The following MAP4K4 variants were observed in gnomAD, a reference collection of about 807,000 sequenced individuals.
MAP4K4 encodes the protein HPK/GCK-like kinase HGK.
A neutral mutation model predicts 189.6 loss-of-function variants in MAP4K4; 38 were observed. The ratio of observed to expected loss-of-function variants is 0.20; its 90% CI spans 0.15 to 0.26. The LOEUF is 0.26. MAP4K4 is among the 10% of genes least tolerant of loss of function. MAP4K4 has a pLI of 1.00. For synonymous variants in MAP4K4, 610 were observed against 624.3 expected (o/e 0.98, Z 0.34); for missense variants, 1,054 against 1,726.9 (o/e 0.61, Z 6.91).
At chr2:101,820,114 G>A (rs948795138) in intron 3 of MAP4K4, among the ~76,000 whole-genome samples, 1 of 152,178 alleles carries the variant, frequency 6.6e-6, no homozygotes, top group Non-Finnish European at 1.5e-5. Context: ...GATCCTAGAA[G>A]ACATTGGTTT....
At chr2:101,770,133 A>G (rs1395514422) in intron 2 of MAP4K4, among the ~76,000 whole-genome samples, 1 of 152,218 alleles carries the variant, frequency 6.6e-6, no homozygotes, top group East Asian at 1.9e-4. Context: ...TTTTCAACAA[A>G]TAAGTTTTGT....
chr2:101,759,733 TC>T (rs1444648130), intron 2 of MAP4K4, among the ~76,000 whole-genome samples: 3 of 31,276 alleles, frequency 9.6e-5, no homozygotes, highest in Admixed American at 3.4e-4. Flanking sequence ...ACCATCCCCT[TC>T]CCCCCTCCCC....
At chr2:101,863,789 A>G (rs1297227227) in intron 16 of MAP4K4, 32 bp from the exon 17 acceptor site, 1 of 1,333,646 alleles carries the variant, frequency 7.5e-7, no homozygotes, top group Non-Finnish European at 1.0e-6. Flanking sequence ...TGCAGAACGC[A>G]TTGAATGTTT....
intron 2 of MAP4K4, among the ~76,000 whole-genome samples, chr2:101,760,770 G>T (rs551365291): frequency 6.6e-6 from 1 of 152,130 alleles, no homozygotes; most frequent in Admixed American, 6.5e-5. Context: ...TTGGGAGGCC[G>T]AGGTGGGCGG....
chr2:101,891,445 T>C, exon 33 of MAP4K4: 1 of 526,552 alleles, frequency 1.9e-6, no homozygotes, highest in South Asian at 2.4e-5. Context: ...TTTTTTTTTC[T>C]TACTCCAAAA....
intron 12 of MAP4K4, among the ~76,000 whole-genome samples, chr2:101,848,732 A>G (rs889314164): frequency 1.3e-5 from 2 of 151,786 alleles, no homozygotes; most frequent in Non-Finnish European, 2.9e-5. Flanking sequence ...CCCACCCTCC[A>G]TCTCCCTTGG....
intron 2 of MAP4K4, among the ~76,000 whole-genome samples, chr2:101,756,261 TGAA>T (rs2072730977): frequency 6.6e-6 from 1 of 152,098 alleles, no homozygotes; most frequent in African/African-American, 2.4e-5. Context: ...TTGATCTTAA[TGAA>T]GTCATAGGAT....
intron 3 of MAP4K4, among the ~76,000 whole-genome samples, chr2:101,807,659 A>G (rs2095082460): frequency 6.6e-6 from 1 of 152,062 alleles, no homozygotes; most frequent in Admixed American, 6.5e-5. Flanking sequence ...CAGGAAACAT[A>G]GTGGCTTCTG....
At chr2:101,874,812 T>A (rs1413223072) in intron 26 of MAP4K4, among the ~76,000 whole-genome samples, 1 of 152,248 alleles carries the variant, frequency 6.6e-6, no homozygotes, top group Non-Finnish European at 1.5e-5. Flanking sequence ...TTATACAACT[T>A]GGAAATATAT....
At chr2:101,850,222 A>G (rs2097239473) in intron 12 of MAP4K4, among the ~76,000 whole-genome samples, 1 of 152,208 alleles carries the variant, frequency 6.6e-6, no homozygotes, top group Non-Finnish European at 1.5e-5. Flanking sequence ...AGGGATTTCT[A>G]CAAATCTCAA....
intron 16 of MAP4K4, chr2:101,861,206 AGT>A: frequency 2.5e-6 from 1 of 395,250 alleles, no homozygotes; most frequent in East Asian, 4.0e-5. Flanking sequence ...GAGTATCTAG[AGT>A]GAGTGATTTC....
chr2:101,727,587 A>G (rs1333097667), intron 2 of MAP4K4, among the ~76,000 whole-genome samples: 1 of 152,252 alleles, frequency 6.6e-6, no homozygotes, highest in Non-Finnish European at 1.5e-5. Flanking sequence ...GGGGAAGTAT[A>G]TACAGGTTAA....
chr2:101,769,258 T>A (rs975640829), intron 2 of MAP4K4, among the ~76,000 whole-genome samples: 7 of 152,108 alleles, frequency 4.6e-5, no homozygotes, highest in Non-Finnish European at 1.0e-4. Flanking sequence ...GTAGAATGAG[T>A]TTCAGCTCGT....
At chr2:101,715,860 G>A (rs916431253) in intron 2 of MAP4K4, among the ~76,000 whole-genome samples, 4 of 152,134 alleles carry the variant, frequency 2.6e-5, no homozygotes, top group East Asian at 1.9e-4. Context: ...ATTTATAGCC[G>A]CTCCCCATTG....
chr2:101,844,066 G>C (rs762139780), intron 11 of MAP4K4, 35 bp from the exon 12 acceptor site: 4 of 1,494,024 alleles, frequency 2.7e-6, no homozygotes, highest in Admixed American at 1.8e-5. Context: ...AGTGTGATCG[G>C]TGCACACCCC....
intron 3 of MAP4K4, among the ~76,000 whole-genome samples, chr2:101,803,765 G>T (rs2094619461): frequency 6.6e-6 from 1 of 152,178 alleles, no homozygotes; most frequent in African/African-American, 2.4e-5. Flanking sequence ...TAGAATAAAA[G>T]CTCTGATTGT....
At chr2:101,710,288 T>C (rs1428391370) in intron 2 of MAP4K4, among the ~76,000 whole-genome samples, 2 of 152,274 alleles carry the variant, frequency 1.3e-5, no homozygotes, top group African/African-American at 2.4e-5. Flanking sequence ...GAACTTGGCA[T>C]ATTAGAGCAT....
chr2:101,847,192 T>G lies in MAP4K4; in HGVS notation c.1233+2881T>G, dbSNP rs76842062. Among the ~76,000 whole-genome samples the G allele has an allele frequency of 5.7e-3, 874 of 152,370 alleles. 11 individuals carry two copies. The highest frequency in any genetic ancestry group is 0.019 in the African/African-American group (806 of 41,582). The stretch of plus-strand genomic sequence containing the variant: ...AACCTGTTACTCATGATTGTGGTGA[T>G]GCTGGTGTAAACTCATGTATTGCCC... On this transcript the variant is annotated intron_variant, in intron 12 of 32. Coordinates refer to ENST00000324219, the Ensembl canonical transcript of MAP4K4.
intron 2 of MAP4K4, among the ~76,000 whole-genome samples, chr2:101,754,341 GTTTTTTTTTTTTTT>G (rs59198391): frequency 2.3e-5 from 2 of 85,832 alleles, no homozygotes; most frequent in East Asian, 7.5e-4. Context: ...CTTTTTTGCT[GTTTTTTTTTTTTTT>G]TTTTTTTTTT....
Sources: allele counts gnomAD v4.1 joint callset (sites outside exome capture counted in the v4.1 genomes callset), GRCh38; gene constraint gnomAD v4.1.1; transcripts MANE v1.5; gene names NCBI Gene and HGNC (gene_info 2026-07-23, HGNC 2026-07-21).